Variants in NBAS observed in about 807,000 individuals in gnomAD.
NBAS encodes NAG/BC035112 fusion.
A neutral mutation model predicts 302.5 loss-of-function variants in NBAS; 219 were observed. That is an observed-to-expected ratio of 0.72 (90% confidence interval 0.65 to 0.81). The LOEUF (loss-of-function observed/expected upper bound fraction) is 0.81, where lower values mean the gene tolerates loss of function less well. Among genes scored for constraint, NBAS ranks in the 30% least tolerant of loss-of-function variants. NBAS has a pLI of 0.00. For synonymous variants in NBAS, 1,118 were observed against 1,021.6 expected, an observed-to-expected ratio of 1.09 and a Z score of -1.80; for missense variants, 2,932 against 2,841.6, an observed-to-expected ratio of 1.03 and a Z score of -0.72.
chr2:15,363,286 G>C (rs1674030392), intron 32 of NBAS, among the ~76,000 whole-genome samples: 1 of 152,150 alleles, frequency 6.6e-6, no homozygotes, highest in Non-Finnish European at 1.5e-5. Flanking sequence ...CTCTCCTACA[G>C]TTTCTGCTCC....
At chr2:15,481,924 G>A (rs539782719) in intron 12 of NBAS, among the ~76,000 whole-genome samples, 2 of 152,282 alleles carry the variant, frequency 1.3e-5, no homozygotes, top group South Asian at 2.1e-4. Context: ...CTTCTCCCTT[G>A]AAGACCCTTA....
intron 21 of NBAS, among the ~76,000 whole-genome samples, chr2:15,460,463 C>G (rs1463731697): frequency 6.6e-6 from 1 of 152,188 alleles, no homozygotes; most frequent in Non-Finnish European, 1.5e-5. Context: ...TTGCCTTATG[C>G]CTCTATTCAG....
chr2:15,536,297 T>A, intron 8 of NBAS, 121 bp downstream of exon 8: 1 of 1,172,148 alleles, frequency 8.5e-7, no homozygotes, highest in Non-Finnish European at 1.2e-6. Flanking sequence ...TCAAATTCCC[T>A]ATTATATTTG....
chr2:15,219,057 C>G (rs545228500), intron 47 of NBAS, 89 bp from the exon 48 acceptor site: 130 of 1,489,984 alleles, frequency 8.7e-5, no homozygotes, highest in Non-Finnish European at 1.2e-4. Flanking sequence ...TGACCTAACA[C>G]TTGTTTGTTG....
intron 40 of NBAS, among the ~76,000 whole-genome samples, chr2:15,307,902 T>TA (rs991816654): frequency 6.6e-6 from 1 of 152,172 alleles, no homozygotes; most frequent in African/African-American, 2.4e-5. Flanking sequence ...GAAAGTAAGT[T>TA]AAAAAAACAA....
chr2:15,262,503 C>T (rs983046171), intron 44 of NBAS, among the ~76,000 whole-genome samples: 2 of 152,152 alleles, frequency 1.3e-5, no homozygotes, highest in Non-Finnish European at 2.9e-5. Flanking sequence ...AAGGCAAAAA[C>T]TTAACTCAGA....
chr2:14,935,626 C>A, the NBAS span, among the ~76,000 whole-genome samples: 2 of 151,968 alleles, frequency 1.3e-5, no homozygotes, highest in African/African-American at 4.8e-5. Flanking sequence ...TGCCAATAAT[C>A]CCTCCCCTTT....
At position 15,459,503 on chromosome 2, in the gene NBAS, C is replaced by CTTTTTT. The variant is rs66914120; in HGVS notation, c.2339+1692_2339+1697dup. ...GAAAAAAGCATCCTGAGCATTTTTT[C>CTTTTTT]TTTTTTTTTGAGATGGAGTCTCGTT... On this transcript the variant is annotated intron_variant, in intron 21 of 51. Coordinates refer to ENST00000281513, the MANE Select transcript of NBAS (RefSeq NM_015909.4). 5.0e-5 allele frequency among the ~76,000 whole-genome samples: 7 copies of CTTTTTT among 141,388 alleles called. 1 individual carries two copies. Among genetic ancestry groups the CTTTTTT allele is most frequent in the Admixed American group, 7.2e-5 (1 of 13,856 alleles). The allele number at this position is 141,388 out of a possible 152,430, so 92.8% of individuals were successfully genotyped here.
the NBAS span, among the ~76,000 whole-genome samples, chr2:15,038,483 C>G: frequency 6.6e-6 from 1 of 152,148 alleles, no homozygotes; most frequent in African/African-American, 2.4e-5. Context: ...TCACTTCGGT[C>G]TGCACATCTC....
chr2:14,903,711 G>A, the NBAS span, among the ~76,000 whole-genome samples: 1 of 152,234 alleles, frequency 6.6e-6, no homozygotes, highest in African/African-American at 2.4e-5. Context: ...TTTCACAGGA[G>A]CAGAATAATG....
chr2:15,510,465 A>G (rs1235319555), intron 10 of NBAS, among the ~76,000 whole-genome samples: 1 of 152,186 alleles, frequency 6.6e-6, no homozygotes, highest in East Asian at 1.9e-4. Context: ...TCTTTTAATC[A>G]TCACTTAAAA....
At chr2:15,077,315 G>C in the NBAS span, among the ~76,000 whole-genome samples, 1 of 152,154 alleles carries the variant, frequency 6.6e-6, no homozygotes, top group Non-Finnish European at 1.5e-5. Context: ...CCTCCCACCA[G>C]GTCCCTCCCT....
intron 48 of NBAS, among the ~76,000 whole-genome samples, chr2:15,198,438 T>C (rs1448573603): frequency 6.6e-6 from 1 of 151,356 alleles, no homozygotes; most frequent in East Asian, 1.9e-4. Context: ...GAGGGAAGAG[T>C]AGCATTTGGA....
intron 41 of NBAS, among the ~76,000 whole-genome samples, chr2:15,287,581 G>A (rs572788637): frequency 3.3e-5 from 5 of 152,196 alleles, no homozygotes; most frequent in South Asian, 2.1e-4. Flanking sequence ...CAGGCATCCC[G>A]GGCAGCCCTG....
At chr2:15,374,861 T>G in intron 30 of NBAS, 141 bp from the exon 31 acceptor site, 1 of 697,268 alleles carries the variant, frequency 1.4e-6, no homozygotes, top group Non-Finnish European at 2.5e-6. Flanking sequence ...TCTGTTATCT[T>G]AATCCTCATA....
the NBAS span, among the ~76,000 whole-genome samples, chr2:15,152,143 C>T: frequency 1.3e-5 from 2 of 152,156 alleles, no homozygotes; most frequent in African/African-American, 4.8e-5. Flanking sequence ...AGCCACCACA[C>T]CCAAGAGTCT....
At chr2:15,453,802 CAG>C (rs1679129303) in intron 21 of NBAS, among the ~76,000 whole-genome samples, 1 of 151,026 alleles carries the variant, frequency 6.6e-6, no homozygotes, top group Non-Finnish European at 1.5e-5. Flanking sequence ...TTTTTTGAGA[CAG>C]AGTCTCACTC....
At chr2:15,381,841 T>G (rs1442964867) in intron 29 of NBAS, among the ~76,000 whole-genome samples, 1 of 152,216 alleles carries the variant, frequency 6.6e-6, no homozygotes, top group Non-Finnish European at 1.5e-5. Flanking sequence ...ACCATTCATT[T>G]CTCAACAGTC....
chr2:15,540,729 G>GTTT (rs35180334), intron 6 of NBAS, among the ~76,000 whole-genome samples: 15 of 146,190 alleles, frequency 1.0e-4, no homozygotes, highest in South Asian at 2.2e-4. Context: ...TTTGTTTTTT[G>GTTT]TTTTTTTTTT....
Sources: gnomAD v4.1 joint callset for allele counts (sites outside exome capture counted in the v4.1 genomes callset) on GRCh38, gnomAD v4.1.1 for gene constraint, MANE v1.5 for transcripts, NCBI Gene and HGNC (gene_info 2026-07-23, HGNC 2026-07-21) for gene names.